DCC: variants seen among roughly 807,000 people sequenced by gnomAD.
The protein encoded by DCC is netrin receptor DCC.
DCC carries 58 observed loss-of-function variants against 172.5 expected under a neutral mutation model. The ratio of observed to expected loss-of-function variants is 0.34; its 90% CI spans 0.27 to 0.42. The LOEUF (loss-of-function observed/expected upper bound fraction) is 0.42, where lower values mean the gene tolerates loss of function less well. Ranked by LOEUF, DCC falls within the 10% of genes least tolerant of loss-of-function variation. DCC has a pLI of 1.00. For synonymous variants in DCC, 709 were observed against 644.5 expected, an observed-to-expected ratio of 1.10 and a Z score of -1.52; for missense variants, 1,740 against 1,791.0, an observed-to-expected ratio of 0.97 and a Z score of 0.51.
chr18:53,455,576 G>A (rs749858902), intron 23 of DCC, among the ~76,000 whole-genome samples: 2 of 152,206 alleles, frequency 1.3e-5, no homozygotes, highest in Non-Finnish European at 2.9e-5. Flanking sequence ...ATAATGGAAA[G>A]TAATTCTTAT....
At chr18:52,566,652 T>A (rs1036532454) in intron 1 of DCC, among the ~76,000 whole-genome samples, 9 of 152,086 alleles carry the variant, frequency 5.9e-5, no homozygotes, top group African/African-American at 2.2e-4. Flanking sequence ...TTTAAAAAAA[T>A]GATATTGGGG....
intron 5 of DCC, among the ~76,000 whole-genome samples, chr18:53,060,286 T>A (rs1182297137): frequency 6.6e-6 from 1 of 152,058 alleles, no homozygotes; most frequent in East Asian, 1.9e-4. Context: ...TGCCCACCTC[T>A]GCTTCCCAAA....
intron 1 of DCC, among the ~76,000 whole-genome samples, chr18:52,531,696 T>C (rs754799626): frequency 3.3e-5 from 5 of 152,148 alleles, no homozygotes; most frequent in Non-Finnish European, 7.3e-5. Flanking sequence ...AATTACTCAA[T>C]ACTGCTATCT....
At chr18:53,341,320 T>G (rs1348263313) in intron 15 of DCC, among the ~76,000 whole-genome samples, 1 of 152,170 alleles carries the variant, frequency 6.6e-6, no homozygotes, top group Non-Finnish European at 1.5e-5. Context: ...GACCCTATCC[T>G]TTTTCTAATG....
intron 9 of DCC, 113 bp downstream of exon 9, chr18:53,179,229 T>A: frequency 9.3e-7 from 1 of 1,076,854 alleles, no homozygotes; most frequent in Non-Finnish European, 1.4e-6. Context: ...AAGAGTTTTT[T>A]TTCTTCTAAG....
At chr18:53,435,316 G>C in intron 22 of DCC, 107 bp downstream of exon 22, 1 of 760,594 alleles carries the variant, frequency 1.3e-6, no homozygotes, top group South Asian at 1.5e-5. Context: ...AGGAACCTTG[G>C]ATTTAGTGTC....
chr18:53,246,086 G>C (rs1236609719), intron 12 of DCC, among the ~76,000 whole-genome samples: 1 of 152,010 alleles, frequency 6.6e-6, no homozygotes, highest in Non-Finnish European at 1.5e-5. Context: ...CAATCATCAT[G>C]ACGTTTACCC....
intron 5 of DCC, among the ~76,000 whole-genome samples, chr18:53,017,124 G>T (rs117413396): frequency 0.13 from 18,819 of 142,150 alleles, 1,435 homozygotes; most frequent in East Asian, 0.3. Flanking sequence ...TACCCAGGCT[G>T]GAGTGCAGTA....
chr18:52,504,814 C>T (rs551281989), intron 1 of DCC, among the ~76,000 whole-genome samples: 2 of 152,190 alleles, frequency 1.3e-5, no homozygotes, highest in South Asian at 4.2e-4. Flanking sequence ...CCTCAGCCTG[C>T]TTCTCCAGCT....
intron 15 of DCC, among the ~76,000 whole-genome samples, chr18:53,364,360 C>A (rs990021753): frequency 6.6e-6 from 1 of 151,718 alleles, no homozygotes; most frequent in Non-Finnish European, 1.5e-5. Flanking sequence ...GAAATTGCCC[C>A]TGTTTTTTTC....
At chr18:52,475,842 G>A (rs1989077969) in intron 1 of DCC, among the ~76,000 whole-genome samples, 1 of 152,110 alleles carries the variant, frequency 6.6e-6, no homozygotes, top group Non-Finnish European at 1.5e-5. Flanking sequence ...TATTACCCCA[G>A]AAACTCAGAT....
intron 7 of DCC, among the ~76,000 whole-genome samples, chr18:53,114,069 A>G (rs373876935): frequency 3.3e-5 from 5 of 151,536 alleles, no homozygotes; most frequent in East Asian, 1.9e-4. Flanking sequence ...TTGAAAAAAG[A>G]CAAGTCAAAT....
At chr18:52,918,834 CAA>C (rs1466731886) in intron 3 of DCC, among the ~76,000 whole-genome samples, 1 of 151,940 alleles carries the variant, frequency 6.6e-6, no homozygotes, top group Admixed American at 6.6e-5. Context: ...ACTGAAATAA[CAA>C]AGTTATTTGG....
intron 23 of DCC, among the ~76,000 whole-genome samples, 167 bp from the exon 24 acceptor site, chr18:53,459,065 A>G (rs988959523): frequency 2.0e-5 from 3 of 152,076 alleles, no homozygotes; most frequent in East Asian, 1.9e-4. Flanking sequence ...TCCAGGGGGG[A>G]AGAGGAAAGG....
intron 1 of DCC, among the ~76,000 whole-genome samples, chr18:52,426,419 G>C (rs1227137522): frequency 6.6e-6 from 1 of 151,634 alleles, no homozygotes; most frequent in Non-Finnish European, 1.5e-5. Flanking sequence ...CGTGGTCGTG[G>C]TGTAAGGACC....
intron 1 of DCC, among the ~76,000 whole-genome samples, chr18:52,367,460 A>T (rs2144288130): frequency 6.6e-6 from 1 of 152,294 alleles, no homozygotes; most frequent in Admixed American, 6.5e-5. Flanking sequence ...GCACGCTGTC[A>T]CCTCTCACTA....
chr18:53,319,746 G>T (rs2057386174), intron 13 of DCC, among the ~76,000 whole-genome samples: 1 of 152,238 alleles, frequency 6.6e-6, no homozygotes, highest in Non-Finnish European at 1.5e-5. Context: ...GCCATGGCAG[G>T]GCAGAAGTTC....
At chr18:52,934,218 T>A (rs1056249075) in intron 5 of DCC, among the ~76,000 whole-genome samples, 2 of 152,042 alleles carry the variant, frequency 1.3e-5, no homozygotes, top group African/African-American at 4.8e-5. Context: ...AATATAACAG[T>A]ATCTAGTGAT....
intron 2 of DCC, among the ~76,000 whole-genome samples, chr18:52,784,384 G>A (rs186822433): frequency 1.5e-4 from 23 of 152,156 alleles, no homozygotes; most frequent in South Asian, 6.2e-4. Flanking sequence ...AGGGGGTGAA[G>A]GTATCTCTTT....
Sources: gnomAD v4.1 joint callset for allele counts (sites outside exome capture counted in the v4.1 genomes callset) on GRCh38, gnomAD v4.1.1 for gene constraint, MANE v1.5 for transcripts, NCBI Gene and HGNC (gene_info 2026-07-23, HGNC 2026-07-21) for gene names.